Variants in SOD2 observed in about 807,000 individuals in gnomAD.
SOD2 encodes superoxide dismutase 2.
A neutral mutation model predicts 27.0 loss-of-function variants in SOD2; 11 were observed. The observed-to-expected ratio is 0.41, with a 90% CI of 0.26 to 0.67. The LOEUF is 0.67. SOD2 is among the 30% of genes least tolerant of loss of function. The pLI, the probability that SOD2 is intolerant of heterozygous loss-of-function variation, is 0.34. For missense variants in SOD2, 250 were observed against 274.5 expected (o/e 0.91, Z 0.63); for synonymous variants, 105 against 103.0 (o/e 1.02, Z -0.12).
chr6:159,705,970 T>C (rs534695133), intron 1 of SOD2, among the ~76,000 whole-genome samples: 13 of 152,036 alleles, frequency 8.6e-5, no homozygotes, highest in Non-Finnish European at 1.6e-4. Flanking sequence ...ATTCAACGTT[T>C]TTAAAGAAAA....
At chr6:159,737,276 C>T (rs370941062) in intron 1 of SOD2, among the ~76,000 whole-genome samples, 81 of 152,140 alleles carry the variant, frequency 5.3e-4, no homozygotes, top group African/African-American at 2.0e-3. Context: ...CTCGAACTCC[C>T]GGGCTCAAGA....
rs142432224 is a variant in SOD2, at chr6:159,714,472, C to A, written c.-116+12657G>T. 4.1e-3 allele frequency among the ~76,000 whole-genome samples: 622 copies of A among 152,300 alleles called. 4 individuals are homozygous for A. Among genetic ancestry groups the A allele is most frequent in the African/African-American group, 0.014 (598 of 41,558 alleles). ...TCCCTACTTCACTCCCCAGGCAGGG[C>A]CTGGGTAGTGAACTTTTAAGAACCA... On this transcript the variant is annotated intron_variant, in intron 1 of 2. Coordinates refer to the SOD2 transcript ENST00000401980.
chr6:159,740,513 A>T (rs140180541), intron 1 of SOD2, among the ~76,000 whole-genome samples: 4 of 151,910 alleles, frequency 2.6e-5, no homozygotes, highest in Non-Finnish European at 5.9e-5. Flanking sequence ...ATTTTTCTGT[A>T]CTTCTAAAAT....
rs773283190 is a variant in SOD2 at position 159,692,685 on chromosome 6, TCTC to T, written c.199_201del (p.Glu67del). 6.2e-6 allele frequency: 10 copies of T among 1,613,966 alleles called. No individual in the cohort carries two copies. Among genetic ancestry groups the T allele is most frequent in the Non-Finnish European group, 8.5e-6 (10 of 1,179,980 alleles). On this transcript the variant is annotated inframe_deletion, in exon 2 of 5. Coordinates refer to ENST00000538183, the MANE Select transcript of SOD2 (RefSeq NM_000636.4). Reference sequence around the variant, plus strand: ...CCCTTGGCCAACGCCTCCTGGTACTTCTCCTCGGTGACGTTCAGGTTGTTCACG... The same window carrying T: ...CCCTTGGCCAACGCCTCCTGGTACTTCTCGGTGACGTTCAGGTTGTTCACG...
At chr6:159,691,770 AAT>A (rs1777209520) in intron 2 of SOD2, 1 of 152,240 alleles carries the variant, frequency 6.6e-6, no homozygotes, top group Non-Finnish European at 1.5e-5. Context: ...TTGCATTACA[AAT>A]ATGAGTAAAT....
intron 1 of SOD2, chr6:159,725,641 GAC>G (rs1053457960): frequency 1.3e-5 from 2 of 151,744 alleles, no homozygotes; most frequent in African/African-American, 4.8e-5. Flanking sequence ...AAAGTTCAAA[GAC>G]AGAGAAATCT....
chr6:159,756,076 G>GT (rs1216293852), intron 1 of SOD2: 2 of 153,764 alleles, frequency 1.3e-5, no homozygotes, highest in African/African-American at 2.4e-5. Flanking sequence ...CAGTACAGTA[G>GT]TTTTTTATCA....
intron 1 of SOD2, among the ~76,000 whole-genome samples, chr6:159,738,048 A>G (rs1469626436): frequency 6.6e-6 from 1 of 152,222 alleles, no homozygotes; most frequent in Non-Finnish European, 1.5e-5. Context: ...AAATCAGGGA[A>G]TTGACATTGG....
At chr6:159,753,429 AT>A (rs1244100426) in intron 1 of SOD2, 1 of 1,614,070 alleles carries the variant, frequency 6.2e-7, no homozygotes, top group South Asian at 1.1e-5. Context: ...TTTTGTCTTC[AT>A]TTTGTGATGG....
intron 1 of SOD2, among the ~76,000 whole-genome samples, chr6:159,704,585 C>T (rs1777586335): frequency 6.6e-6 from 1 of 152,204 alleles, no homozygotes; most frequent in Non-Finnish European, 1.5e-5. Flanking sequence ...GGGAGGGGCG[C>T]CTGCCATTGC....
At chr6:159,700,027 C>G (rs972213922) in intron 1 of SOD2, among the ~76,000 whole-genome samples, 3 of 152,192 alleles carry the variant, frequency 2.0e-5, no homozygotes, top group African/African-American at 7.2e-5. Flanking sequence ...CTGCATTTAC[C>G]CTCTGGTGAG....
intron 1 of SOD2, chr6:159,755,194 A>T (rs1463425570): frequency 6.2e-7 from 1 of 1,614,156 alleles, no homozygotes; most frequent in African/African-American, 1.3e-5. Context: ...CAGCTTCTGA[A>T]CCTGTAGAAC....
intron 1 of SOD2, among the ~76,000 whole-genome samples, chr6:159,744,728 C>T (rs1435045399): frequency 2.6e-5 from 4 of 152,154 alleles, no homozygotes; most frequent in South Asian, 2.1e-4. Context: ...CTAACCCCCC[C>T]GCCCTTTTCT....
At position 159,681,654 on chromosome 6, in the gene SOD2, T is replaced by A. The variant is rs796130301; in HGVS notation, c.*839A>T. 3.3e-5 allele frequency: 5 copies of A among 152,290 alleles called. No individual in the cohort carries two copies. Among genetic ancestry groups the A allele is most frequent in the African/African-American group, 1.2e-4 (5 of 41,556 alleles). 9.4% of individuals were successfully genotyped at this position (152,290 alleles called of 1,614,324 possible). A position where few individuals can be genotyped will look rare whatever the true frequency, so the allele number is the denominator to read the frequency against. On this transcript the variant is annotated 3_prime_UTR_variant, in exon 5 of 5. Coordinates refer to ENST00000538183, the MANE Select transcript of SOD2 (RefSeq NM_000636.4). The stretch of plus-strand genomic sequence containing the variant: ...AATATATAAGCTTCATGTAGTGATT[T>A]ACAATTTTGGTATACAGCCATACCA...
At chr6:159,741,949 C>A in intron 1 of SOD2, 1 of 656,404 alleles carries the variant, frequency 1.5e-6, no homozygotes, top group Non-Finnish European at 2.6e-6. Flanking sequence ...GAGACTCTGT[C>A]TAAAAAAAAC....
At chr6:159,726,891 G>C in intron 1 of SOD2, 1 of 1,289,122 alleles carries the variant, frequency 7.8e-7, no homozygotes, top group South Asian at 1.2e-5. Flanking sequence ...GCGGCTCGCC[G>C]CCCACGGCCT....
chr6:159,736,359 CT>C, intron 1 of SOD2: 3 of 1,285,660 alleles, frequency 2.3e-6, no homozygotes, highest in Non-Finnish European at 3.3e-6. Context: ...TTTTTAAGCA[CT>C]TTAAAAAAAA....
chr6:159,714,301 C>T (rs1295616825), intron 1 of SOD2, among the ~76,000 whole-genome samples: 1 of 152,118 alleles, frequency 6.6e-6, no homozygotes, highest in Non-Finnish European at 1.5e-5. Flanking sequence ...TTTTTTCCCT[C>T]CAGAAACCCA....
intron 1 of SOD2, among the ~76,000 whole-genome samples, chr6:159,750,710 C>T (rs755028759): frequency 5.3e-5 from 8 of 151,944 alleles, no homozygotes; most frequent in East Asian, 1.9e-4. Context: ...AGTATATTTC[C>T]GTTATATTAA....
Sources: allele counts gnomAD v4.1 joint callset (sites outside exome capture counted in the v4.1 genomes callset), GRCh38; gene constraint gnomAD v4.1.1; transcripts MANE v1.5; gene names NCBI Gene and HGNC (gene_info 2026-07-23, HGNC 2026-07-21).